The following MYH14 variants were observed in gnomAD, a reference collection of about 807,000 sequenced individuals.
The protein encoded by MYH14 is myosin heavy chain 14.
MYH14 carries 123 observed loss-of-function variants against 255.5 expected under a neutral mutation model. The observed-to-expected ratio is 0.48, with a 90% CI of 0.42 to 0.56. MYH14 has a LOEUF of 0.56. MYH14 is among the 20% of genes least tolerant of loss of function. The pLI is 0.00. For synonymous variants in MYH14, 1,095 were observed against 1,161.2 expected (o/e 0.94, Z 1.16); for missense variants, 2,423 against 2,802.3 (o/e 0.86, Z 3.06).
chr19:50,222,054 T>G (rs1459758088), intron 3 of MYH14, among the ~76,000 whole-genome samples: 1 of 152,070 alleles, frequency 6.6e-6, no homozygotes, highest in African/African-American at 2.4e-5. Context: ...GTAGGATGTT[T>G]AGTAGCACCC....
At chr19:50,254,673 C>T (rs980030820) in intron 16 of MYH14, among the ~76,000 whole-genome samples, 1 of 152,202 alleles carries the variant, frequency 6.6e-6, no homozygotes, top group Non-Finnish European at 1.5e-5. Flanking sequence ...ACAAGGTCTT[C>T]CCAGATTCAA....
intron 10 of MYH14, among the ~76,000 whole-genome samples, chr19:50,233,677 C>T (rs669591): frequency 1.3e-5 from 2 of 151,772 alleles, no homozygotes; most frequent in African/African-American, 4.8e-5. Context: ...CAGGTCTCTC[C>T]CTAGGCTCCT....
At position 50,309,485 on chromosome 19, in the gene MYH14, C is replaced by T. The variant is rs1601082474; in HGVS notation, c.5961-155C>T. 3.0e-5 allele frequency: 19 copies of T among 643,452 alleles called. No individual in the cohort carries two copies. The East Asian group carries it at 5.2e-4, about 18-fold the overall frequency. 39.9% of individuals were successfully genotyped at this position (643,452 alleles called of 1,614,324 possible). A position where few individuals can be genotyped will look rare whatever the true frequency, so the allele number is the denominator to read the frequency against. ...CCCATTGCTTCTGCCCGTCTCCCTC[C>T]ATTTCTCTTGATCTCATCCCTCTCT... is the stretch of plus-strand genomic sequence containing the variant. On this transcript the variant is annotated intron_variant, in intron 42 of 42. Transcript: ENST00000642316.
At chr19:50,216,796 C>CCTTT in intron 2 of MYH14, among the ~76,000 whole-genome samples, 1 of 134,544 alleles carries the variant, frequency 7.4e-6, no homozygotes, top group African/African-American at 2.6e-5. Context: ...CCTCTTCCAT[C>CCTTT]CTTTCTTTTT....
At chr19:50,238,174 CAT>C in intron 10 of MYH14, among the ~76,000 whole-genome samples, 1 of 152,232 alleles carries the variant, frequency 6.6e-6, no homozygotes, top group East Asian at 1.9e-4. Flanking sequence ...CAGCCTCTCA[CAT>C]GAGGCATCCG....
At position 50,252,656 on chromosome 19, in the gene MYH14, C is replaced by T. The variant is rs371112091; in HGVS notation, c.1848C>T (p.Asn616=). The change falls in exon 16 of 43, where the codon AAC becomes AAT. Residue 616 remains asparagine (N), a synonymous_variant. Transcript: ENST00000642316. The surrounding 1 kb of genome is among the most constrained non-coding windows in gnomAD (Gnocchi z 4.2). The part of the protein sequence containing the change: ...HYAGKVDYKA[N]EWLMKNMDPL... ...TCATTCAGGTCGACTACAAGGCCAA[C>T]GAGTGGCTGATGAAAAACATGGACC... 100 of 1,594,206 alleles carry T rather than the reference C, an allele frequency of 6.3e-5. No homozygotes were observed. Among genetic ancestry groups the T allele is most frequent in the Non-Finnish European group, 8.1e-5 (95 of 1,170,714 alleles).
rs1236495276 is a variant in MYH14, at chr19:50,309,878, C to T, written c.*88C>T. On this transcript the variant is annotated 3_prime_UTR_variant, in exon 43 of 43. Transcript: ENST00000642316. Reference sequence around the variant, plus strand: ...CGGGCCCCTGTCCCAGGAACCCCGCCCTCTGACTTCTTGCCCTTTGGAAAT... The same window carrying T: ...CGGGCCCCTGTCCCAGGAACCCCGCTCTCTGACTTCTTGCCCTTTGGAAAT... 1 of 1,367,762 alleles carries T rather than the reference C, an allele frequency of 7.3e-7. No individual in the cohort carries two copies. Among genetic ancestry groups the T allele is most frequent in the East Asian group, 2.5e-5 (1 of 40,028 alleles). 84.7% of individuals were successfully genotyped at this position (1,367,762 alleles called of 1,614,324 possible).
rs8101330 is a variant in MYH14, at chr19:50,207,532, G to T, written c.-3-2831G>T. 9.0e-3 allele frequency among the ~76,000 whole-genome samples: 1,361 copies of T among 152,044 alleles called. 24 individuals carry two copies. Among genetic ancestry groups the T allele is most frequent in the African/African-American group, 0.03 (1,251 of 41,480 alleles). On this transcript the variant is annotated intron_variant, in intron 1 of 42. Coordinates refer to ENST00000642316, the MANE Select transcript of MYH14 (RefSeq NM_001145809.2). The stretch of plus-strand genomic sequence containing the variant: ...TAGGCCAGGAGCTCCTCCAGGCAGG[G>T]CTCCCAGCCTACTCTTCTCTGGGTC...
At chr19:50,270,540 A>G (rs1258985482) in intron 24 of MYH14, among the ~76,000 whole-genome samples, 3 of 144,378 alleles carry the variant, frequency 2.1e-5, no homozygotes, top group Non-Finnish European at 3.1e-5. Flanking sequence ...AAAAAAAAGA[A>G]AAGAAAAAAA....
At chr19:50,234,127 C>G (rs754245566) in intron 10 of MYH14, among the ~76,000 whole-genome samples, 1 of 152,012 alleles carries the variant, frequency 6.6e-6, no homozygotes, top group Non-Finnish European at 1.5e-5. Context: ...GCCTCCTACC[C>G]TACACTGGTA....
chr19:50,229,421 G>A (rs546409754), intron 8 of MYH14, among the ~76,000 whole-genome samples: 3 of 152,298 alleles, frequency 2.0e-5, no homozygotes, highest in African/African-American at 7.2e-5. Context: ...GCTAAGGCTG[G>A]AGGATCACTT....
In MYH14 at chr19:50,290,997, C is replaced by G. The variant is rs727503229; in HGVS notation, c.5076C>G (p.Ala1692=). Reference sequence around the variant, plus strand: ...TGGAGGAGCTGAAGGCTCAGATGGCCTCTGCCGGCCAGGGCAAGGAGGAGG... The same window carrying G: ...TGGAGGAGCTGAAGGCTCAGATGGCGTCTGCCGGCCAGGGCAAGGAGGAGG... The part of the protein sequence containing the change: ...GELEELKAQM[A]SAGQGKEEAV... The change falls in exon 36 of 43, where the codon GCC becomes GCG. Residue 1692 remains alanine, a synonymous_variant. Transcript: ENST00000642316. The G allele has an allele frequency of 6.2e-7, 1 of 1,611,888 alleles. No individual in the cohort carries two copies. The highest frequency in any genetic ancestry group is 1.7e-5 in the Admixed American group (1 of 59,750).
chr19:50,212,766 C>T lies in MYH14; in HGVS notation c.405+1996C>T, dbSNP rs151283972. Reference sequence around the variant, plus strand: ...GTGGTGGCAGGTGTGGAATTTGAATCGAGGGCTGTCGGACCCTGCATGGGG... The same window carrying T: ...GTGGTGGCAGGTGTGGAATTTGAATTGAGGGCTGTCGGACCCTGCATGGGG... On this transcript the variant is annotated intron_variant, in intron 2 of 42. Coordinates refer to ENST00000642316, the MANE Select transcript of MYH14 (RefSeq NM_001145809.2). 3.8e-3 allele frequency among the ~76,000 whole-genome samples: 577 copies of T among 152,224 alleles called. 2 individuals are homozygous for T. Among genetic ancestry groups the T allele is most frequent in the African/African-American group, 0.013 (555 of 41,532 alleles).
chr19:50,224,129 G>A (rs768555758), intron 5 of MYH14, 25 bp from the exon 6 acceptor site: 9 of 1,611,758 alleles, frequency 5.6e-6, no homozygotes, highest in Non-Finnish European at 2.5e-6. Flanking sequence ...CCTGGTCCGT[G>A]TCTCGTGTCC....
In MYH14 at chr19:50,281,741, C is replaced by A; in HGVS notation, c.4438C>A (p.Arg1480Ser). ...TETVDRLERG[R>S]RRLQQELDDA... ...GACCGTGGATCGGCTGGAGCGGGGC[C>A]GCCGCCGGCTGCAGCAGGAGCTGGA... is the stretch of plus-strand genomic sequence containing the variant. Residue 1480 changes from arginine (R) to serine (S), a missense_variant, in exon 33 of 43, where the codon CGC becomes AGC. By Grantham distance (110) the Arg-to-Ser change is moderately radical. This residue lies in a region of MYH14 where 1,513 missense variants were observed against 1,674.8 expected (regional missense o/e 0.90). Coordinates refer to ENST00000642316, the MANE Select transcript of MYH14 (RefSeq NM_001145809.2). 1.3e-5 allele frequency: 21 copies of A among 1,611,828 alleles called. No homozygotes were observed. Among genetic ancestry groups the A allele is most frequent in the Non-Finnish European group, 1.8e-5 (21 of 1,179,576 alleles).
intron 10 of MYH14, among the ~76,000 whole-genome samples, chr19:50,242,657 C>T (rs770864735): frequency 7.2e-5 from 11 of 152,118 alleles, no homozygotes; most frequent in Admixed American, 2.0e-4. Flanking sequence ...ATCCACAAAT[C>T]GTGAAAACTG....
rs1436174044 is a variant in MYH14, at chr19:50,230,681, C to CG, written c.973+63dup. 1.4e-5 allele frequency: 21 copies of CG among 1,471,426 alleles called. No individual in the cohort carries two copies. The highest frequency in any genetic ancestry group is 1.9e-5 in the Non-Finnish European group (20 of 1,080,232). 91.1% of individuals were successfully genotyped at this position (1,471,426 alleles called of 1,614,324 possible). A position where few individuals can be genotyped will look rare whatever the true frequency, so the allele number is the denominator to read the frequency against. On this transcript the variant is annotated intron_variant, in intron 9 of 42. Coordinates refer to ENST00000642316, the MANE Select transcript of MYH14 (RefSeq NM_001145809.2). This position sits in a 1 kb window ranked among gnomAD's most constrained non-coding sequence, Gnocchi z 4.7. ...GGGAGAGGGTGGGCACCATGTCTCT[C>CG]GGGGGCCCCTTCTGGGGAGGAAGCA...
rs187782753 is a variant in MYH14, at chr19:50,281,742, G to A, written c.4439G>A (p.Arg1480His). 32 of 1,611,678 alleles carry A rather than the reference G, an allele frequency of 2.0e-5. No individual in the cohort carries two copies. The Middle Eastern group carries it at 5.0e-4, about 25-fold the overall frequency. The change falls in exon 33 of 43, where the codon CGC becomes CAC. Residue 1480 changes from arginine to histidine, a missense_variant. Coordinates refer to ENST00000642316, the MANE Select transcript of MYH14 (RefSeq NM_001145809.2). ...TETVDRLERG[R>H]RRLQQELDDA... ...ACCGTGGATCGGCTGGAGCGGGGCC[G>A]CCGCCGGCTGCAGCAGGAGCTGGAC...
At chr19:50,296,103 T>C (rs4802686) in intron 39 of MYH14, among the ~76,000 whole-genome samples, 101,224 of 150,478 alleles carry the variant, frequency 0.67, 36,221 homozygotes, top group East Asian at 0.99. Context: ...AGCGAGACTT[T>C]GTCTCAAAAA....
Sources: gnomAD v4.1 joint callset for allele counts (sites outside exome capture counted in the v4.1 genomes callset) on GRCh38, gnomAD v4.1.1 for gene constraint, gnomAD v4.1.1 regional missense constraint, Gnocchi (gnomAD v3.1) non-coding constraint, MANE v1.5 for transcripts, NCBI Gene and HGNC (gene_info 2026-07-23, HGNC 2026-07-21) for gene names.